ENTPD1: variants seen among roughly 807,000 people sequenced by gnomAD.
ENTPD1 encodes the protein ectonucleoside triphosphate diphosphohydrolase 1.
A neutral mutation model predicts 57.0 loss-of-function variants in ENTPD1; 33 were observed. That is an observed-to-expected ratio of 0.58 (90% CI 0.44 to 0.77). The LOEUF (loss-of-function observed/expected upper bound fraction) is 0.77. Among genes scored for constraint, ENTPD1 ranks in the 30% least tolerant of loss-of-function variants. The pLI, the probability that ENTPD1 is intolerant of heterozygous loss-of-function variation, is 0.00. For synonymous variants in ENTPD1, 202 were observed against 218.8 expected (o/e 0.92, Z 0.68); for missense variants, 501 against 603.4 (o/e 0.83, Z 1.78).
Position 95,872,200 on chromosome 10 carries a change from T to C in ENTPD1, c.*5817T>C. ...TGCTTCCAATCTGTTGCTGCTAGAT[T>C]AATCTTTGCAAAGCACAGGCTTAAT... On this transcript the variant is annotated 3_prime_UTR_variant, in exon 10 of 10. Coordinates refer to ENST00000371205, the MANE Select transcript of ENTPD1 (RefSeq NM_001776.6). 1 of 985,502 alleles carries C rather than the reference T, an allele frequency of 1.0e-6. No individual in the cohort carries two copies. Among genetic ancestry groups the C allele is most frequent in the Non-Finnish European group, 1.2e-6 (1 of 829,944 alleles). The allele number at this position is 985,502 out of a possible 1,614,324, so 61.0% of individuals were successfully genotyped here. A position where few individuals can be genotyped will look rare whatever the true frequency, so the allele number is the denominator to read the frequency against.
intron 6 of ENTPD1, 187 bp downstream of exon 6, chr10:95,845,783 T>G (rs2098434310): frequency 1.2e-6 from 1 of 846,832 alleles, no homozygotes; most frequent in Non-Finnish European, 1.9e-6. Context: ...AGACATCCCC[T>G]CCCATGTTTG....
chr10:95,778,029 G>A (rs1321837783), intron 1 of ENTPD1, among the ~76,000 whole-genome samples: 1 of 152,154 alleles, frequency 6.6e-6, no homozygotes, highest in African/African-American at 2.4e-5. Context: ...GGAGTGTCCT[G>A]TTTTTCCAGG....
intron 2 of ENTPD1, among the ~76,000 whole-genome samples, chr10:95,836,964 A>C (rs999242882): frequency 2.6e-5 from 4 of 152,232 alleles, no homozygotes; most frequent in Non-Finnish European, 5.9e-5. Context: ...TTAGAAGACA[A>C]AATGTTTGGC....
intron 1 of ENTPD1, among the ~76,000 whole-genome samples, chr10:95,746,309 A>G (rs2098005988): frequency 6.6e-6 from 1 of 152,188 alleles, no homozygotes; most frequent in Non-Finnish European, 1.5e-5. Flanking sequence ...TTTACCTCCA[A>G]CATGGCTTTG....
chr10:95,801,760 C>T (rs536400156), intron 1 of ENTPD1, among the ~76,000 whole-genome samples: 2 of 151,986 alleles, frequency 1.3e-5, no homozygotes, highest in Non-Finnish European at 2.9e-5. Flanking sequence ...GGTCAGATAG[C>T]GTGATGCCTC....
intron 1 of ENTPD1, among the ~76,000 whole-genome samples, chr10:95,760,582 G>A (rs187187004): frequency 6.6e-6 from 1 of 152,222 alleles, no homozygotes; most frequent in East Asian, 1.9e-4. Context: ...CATACATCTG[G>A]TAAACAGTTT....
chr10:95,821,745 G>A (rs1039565473), intron 1 of ENTPD1, among the ~76,000 whole-genome samples: 7 of 152,140 alleles, frequency 4.6e-5, no homozygotes. Flanking sequence ...TCAAGATTCT[G>A]GGGATTGAGG....
At chr10:95,844,727 T>A in intron 5 of ENTPD1, 92 bp downstream of exon 5, 1 of 1,431,332 alleles carries the variant, frequency 7.0e-7, no homozygotes, top group Non-Finnish European at 9.8e-7. Flanking sequence ...CCAGAATGAA[T>A]GAATGAATGA....
At chr10:95,832,125 G>A (rs1206103413) in intron 2 of ENTPD1, among the ~76,000 whole-genome samples, 6 of 152,304 alleles carry the variant, frequency 3.9e-5, no homozygotes, top group Non-Finnish European at 8.8e-5. Context: ...AATAGAGAAA[G>A]CACCTTGAAC....
At chr10:95,855,525 C>A (rs2098452940) in intron 7 of ENTPD1, among the ~76,000 whole-genome samples, 1 of 151,974 alleles carries the variant, frequency 6.6e-6, no homozygotes, top group Non-Finnish European at 1.5e-5. Context: ...CAGTTTCTTC[C>A]TAGCCTTGAT....
chr10:95,867,510 TGTGGAGTGGCATGCTTTTGCCCTATC>T lies in ENTPD1; in HGVS notation c.*1133_*1158del, dbSNP rs1240707115. 1.0e-6 allele frequency: 1 copy of T among 985,338 alleles called. No individual in the cohort carries two copies. The highest frequency in any genetic ancestry group is 1.2e-6 in the Non-Finnish European group (1 of 829,948). 61.0% of individuals were successfully genotyped at this position (985,338 alleles called of 1,614,324 possible). A position where few individuals can be genotyped will look rare whatever the true frequency, so the allele number is the denominator to read the frequency against. On this transcript the variant is annotated 3_prime_UTR_variant, in exon 10 of 10. Coordinates refer to ENST00000371205, the MANE Select transcript of ENTPD1 (RefSeq NM_001776.6). ...TAATTTAGTGAGAGGGCAGCATTAG[TGTGGAGTGGCATGCTTTTGCCCTATC>T]GTGGAATTTACACATCAGAATGTGC...
rs547637220 is a variant in ENTPD1, at chr10:95,873,401, T to C, written c.*7018T>C. The C allele has an allele frequency of 7.1e-6, 7 of 985,612 alleles. No homozygotes were observed. The highest frequency in any genetic ancestry group is 8.4e-6 in the Non-Finnish European group (7 of 830,058). 61.1% of individuals were successfully genotyped at this position (985,612 alleles called of 1,614,324 possible). ...TCTCTGCCTTGCCTTGCCCTCTGCCTTTGGAGACCAGCACCTCATACTCAG... is the reference window on the plus strand; with the variant it reads ...TCTCTGCCTTGCCTTGCCCTCTGCCCTTGGAGACCAGCACCTCATACTCAG... On this transcript the variant is annotated 3_prime_UTR_variant, in exon 10 of 10. Transcript: ENST00000371205.
At chr10:95,863,138 A>G (rs535807024) in intron 8 of ENTPD1, among the ~76,000 whole-genome samples, 2 of 152,308 alleles carry the variant, frequency 1.3e-5, no homozygotes, top group African/African-American at 2.4e-5. Flanking sequence ...TTTGGCTACT[A>G]TCATAACCTT....
chr10:95,775,088 A>T lies in ENTPD1; in HGVS notation c.16+18833A>T, dbSNP rs528581494. On this transcript the variant is annotated intron_variant, in intron 1 of 9. Transcript: ENST00000371205. ...ATTCCTAGGTATTTTATTCTCTTTGAAGCAATTCTGAATGGGAGTTCACTC... is the reference window on the plus strand; with the variant it reads ...ATTCCTAGGTATTTTATTCTCTTTGTAGCAATTCTGAATGGGAGTTCACTC... Among the ~76,000 whole-genome samples, 13 of 152,212 alleles carry T rather than the reference A, an allele frequency of 8.5e-5. No homozygotes were observed. The East Asian group carries it at 2.5e-3, about 29-fold the overall frequency.
At chr10:95,734,040 T>G (rs2097991935) in intron 1 of ENTPD1, among the ~76,000 whole-genome samples, 1 of 152,174 alleles carries the variant, frequency 6.6e-6, no homozygotes, top group Non-Finnish European at 1.5e-5. Flanking sequence ...GACAGCTGCA[T>G]GGTGTCTCAG....
intron 7 of ENTPD1, among the ~76,000 whole-genome samples, chr10:95,853,286 C>G (rs183417359): frequency 3.9e-4 from 59 of 152,270 alleles, no homozygotes; most frequent in African/African-American, 1.4e-3. Flanking sequence ...GATTTTGTAT[C>G]CTGAGACTTT....
chr10:95,853,480 T>C (rs974353888), intron 7 of ENTPD1, among the ~76,000 whole-genome samples: 2 of 152,000 alleles, frequency 1.3e-5, no homozygotes, highest in Non-Finnish European at 2.9e-5. Flanking sequence ...TGAATAGGAG[T>C]GGTGAGAGAG....
chr10:95,818,788 G>A (rs764382663), intron 1 of ENTPD1, among the ~76,000 whole-genome samples: 1 of 152,174 alleles, frequency 6.6e-6, no homozygotes, highest in Non-Finnish European at 1.5e-5. Context: ...GAACGACAAC[G>A]CCAGATTAGG....
chr10:95,831,118 A>G (rs973859649), intron 2 of ENTPD1, among the ~76,000 whole-genome samples: 1 of 152,158 alleles, frequency 6.6e-6, no homozygotes, highest in Non-Finnish European at 1.5e-5. Context: ...AGGACCTTTT[A>G]AGATTAAGAT....
Sources: gnomAD v4.1 joint callset for allele counts (sites outside exome capture counted in the v4.1 genomes callset) on GRCh38, gnomAD v4.1.1 for gene constraint, MANE v1.5 for transcripts, NCBI Gene and HGNC (gene_info 2026-07-23, HGNC 2026-07-21) for gene names.